Variants in CAMK2D observed in about 807,000 individuals in gnomAD.
CAMK2D encodes calcium/calmodulin-dependent protein kinase type II subunit delta.
A neutral mutation model predicts 84.0 loss-of-function variants in CAMK2D; 37 were observed. That is an observed-to-expected ratio of 0.44 (90% CI 0.34 to 0.58). The LOEUF is 0.58. Ranked by LOEUF, CAMK2D falls within the 20% of genes least tolerant of loss-of-function variation. The pLI is 0.02. For synonymous variants in CAMK2D, 202 were observed against 212.5 expected (o/e 0.95, Z 0.43); for missense variants, 448 against 652.5 (o/e 0.69, Z 3.41).
chr4:113,719,557 C>T (rs1384061991), intron 2 of CAMK2D, among the ~76,000 whole-genome samples: 3 of 152,170 alleles, frequency 2.0e-5, no homozygotes, highest in Admixed American at 2.0e-4. Flanking sequence ...TGTCTTTTGA[C>T]AATCCTCAAA....
At chr4:113,571,027 A>G (rs1275864659) in intron 4 of CAMK2D, among the ~76,000 whole-genome samples, 1 of 152,242 alleles carries the variant, frequency 6.6e-6, no homozygotes, top group Non-Finnish European at 1.5e-5. Context: ...ACAAATGGCC[A>G]ACAGGTGTAT....
At chr4:113,491,523 C>A (rs879017251) in intron 16 of CAMK2D, among the ~76,000 whole-genome samples, 3 of 151,708 alleles carry the variant, frequency 2.0e-5, no homozygotes, top group Non-Finnish European at 4.4e-5. Flanking sequence ...AGCTTTTTGA[C>A]GTGCTGCTGG....
chr4:113,695,049 A>G (rs1433621265), intron 2 of CAMK2D, among the ~76,000 whole-genome samples: 2 of 152,176 alleles, frequency 1.3e-5, no homozygotes, highest in Non-Finnish European at 2.9e-5. Context: ...TCACAACCTA[A>G]TAGTCACCAA....
chr4:113,556,943 T>C (rs2098668967), intron 4 of CAMK2D, among the ~76,000 whole-genome samples: 1 of 152,112 alleles, frequency 6.6e-6, no homozygotes, highest in Non-Finnish European at 1.5e-5. Flanking sequence ...GATTAAATAA[T>C]TAAATGGGGG....
chr4:113,688,910 C>CAAAAAAAAAAAAAAAAAAAAAAAAG (rs34196728), intron 2 of CAMK2D, among the ~76,000 whole-genome samples: 6 of 49,720 alleles, frequency 1.2e-4, no homozygotes, highest in Non-Finnish European at 2.2e-4. Context: ...AAAGAAGATG[C>CAAAAAAAAAAAAAAAAAAAAAAAAG]AAAAAAAAAA....
At position 113,734,631 on chromosome 4, in the gene CAMK2D, C is replaced by CA. The variant is rs540624462; in HGVS notation, c.160+24688_160+24689insT. On this transcript the variant is annotated intron_variant, in intron 2 of 20. Coordinates refer to ENST00000511664, the MANE Select transcript of CAMK2D (RefSeq NM_001321571.2). ...GGTCCAAGCACTAATGCCCAAGCAG[C>CA]TTCCTTATTCCAAGAACCAGCTGAC... Among the ~76,000 whole-genome samples the CA allele has an allele frequency of 9.3e-3, 1,409 of 152,250 alleles. 28 individuals are homozygous for CA. Among genetic ancestry groups the CA allele is most frequent in the African/African-American group, 0.032 (1,350 of 41,548 alleles).
chr4:113,590,288 G>A (rs1477956031), intron 4 of CAMK2D, among the ~76,000 whole-genome samples: 1 of 152,118 alleles, frequency 6.6e-6, no homozygotes, highest in East Asian at 1.9e-4. Flanking sequence ...AAGACAGACA[G>A]GTTAACTTGA....
intron 3 of CAMK2D, among the ~76,000 whole-genome samples, chr4:113,659,586 G>A (rs1222170044): frequency 1.3e-5 from 2 of 152,160 alleles, no homozygotes; most frequent in African/African-American, 2.4e-5. Flanking sequence ...ACAGTGAGAC[G>A]ACAGCCACCT....
At chr4:113,695,099 AT>A (rs2099398843) in intron 2 of CAMK2D, among the ~76,000 whole-genome samples, 1 of 152,312 alleles carries the variant, frequency 6.6e-6, no homozygotes, top group South Asian at 2.1e-4. Context: ...ACTTACTCTG[AT>A]TACATCACGA....
Position 113,603,199 on chromosome 4 carries a change from GTTATT to G in CAMK2D, c.275+5948_275+5952del, listed in dbSNP as rs142410533. 8.0e-3 allele frequency among the ~76,000 whole-genome samples: 1,222 copies of G among 151,980 alleles called. 15 individuals carry two copies. Among genetic ancestry groups the G allele is most frequent in the African/African-American group, 0.027 (1,116 of 41,432 alleles). ...TTATTTGCTGTAAAGATGACTTTGCGTTATTTTATTTTATTTTATTTTATTATTAT... is the reference window on the plus strand; with the variant it reads ...TTATTTGCTGTAAAGATGACTTTGCGTTATTTTATTTTATTTTATTATTAT... On this transcript the variant is annotated intron_variant, in intron 4 of 20. Coordinates refer to ENST00000511664, the MANE Select transcript of CAMK2D (RefSeq NM_001321571.2).
chr4:113,595,680 C>T (rs944506800), intron 4 of CAMK2D, among the ~76,000 whole-genome samples: 2 of 152,172 alleles, frequency 1.3e-5, no homozygotes, highest in African/African-American at 4.8e-5. Context: ...GTTATGTTTG[C>T]ACTATACCAT....
chr4:113,531,871 G>C (rs1049928255), intron 7 of CAMK2D, among the ~76,000 whole-genome samples: 1 of 152,072 alleles, frequency 6.6e-6, no homozygotes. Context: ...ATACATATTG[G>C]TATAGAATTC....
intron 4 of CAMK2D, among the ~76,000 whole-genome samples, chr4:113,560,456 C>A (rs2098693027): frequency 6.6e-6 from 1 of 152,066 alleles, no homozygotes; most frequent in Non-Finnish European, 1.5e-5. Context: ...AAATTATGTT[C>A]CTGTGGAACA....
At chr4:113,607,078 A>G (rs558824549) in intron 4 of CAMK2D, among the ~76,000 whole-genome samples, 2 of 152,284 alleles carry the variant, frequency 1.3e-5, no homozygotes, top group South Asian at 4.1e-4. Context: ...AGCTCAGAAA[A>G]AGGAATACTA....
At chr4:113,755,613 A>C (rs1223448288) in intron 2 of CAMK2D, among the ~76,000 whole-genome samples, 1 of 151,944 alleles carries the variant, frequency 6.6e-6, no homozygotes, top group African/African-American at 2.4e-5. Flanking sequence ...GAGGCTTTGA[A>C]ATGCAAAATA....
At chr4:113,737,261 C>T (rs1024778915) in intron 2 of CAMK2D, among the ~76,000 whole-genome samples, 3 of 152,124 alleles carry the variant, frequency 2.0e-5, no homozygotes, top group Non-Finnish European at 2.9e-5. Flanking sequence ...CATCAACAGA[C>T]GAATGGATAA....
At chr4:113,518,518 A>G (rs912897259) in intron 8 of CAMK2D, among the ~76,000 whole-genome samples, 12 of 152,170 alleles carry the variant, frequency 7.9e-5, no homozygotes, top group Non-Finnish European at 1.2e-4. Flanking sequence ...GTCATCAAAT[A>G]TCTCTCCTGC....
intron 2 of CAMK2D, among the ~76,000 whole-genome samples, chr4:113,715,691 A>G (rs1056634869): frequency 6.6e-6 from 1 of 152,134 alleles, no homozygotes; most frequent in African/African-American, 2.4e-5. Flanking sequence ...ATATGTCATT[A>G]GTTTTGACTC....
intron 4 of CAMK2D, among the ~76,000 whole-genome samples, chr4:113,558,245 C>A (rs1425856471): frequency 1.3e-5 from 2 of 152,196 alleles, no homozygotes; most frequent in African/African-American, 4.8e-5. Context: ...TCTATCCAAG[C>A]TAACTGAATA....
Sources: allele counts gnomAD v4.1 joint callset (sites outside exome capture counted in the v4.1 genomes callset), GRCh38; gene constraint gnomAD v4.1.1; transcripts MANE v1.5; gene names NCBI Gene and HGNC (gene_info 2026-07-23, HGNC 2026-07-21).